The following MAP4 variants were observed in gnomAD, a reference collection of about 807,000 sequenced individuals.
MAP4 encodes microtubule-associated protein 4.
In MAP4, 76 loss-of-function variants were observed where a neutral mutation model predicts 170.2. The ratio of observed to expected loss-of-function variants is 0.45; its 90% CI spans 0.37 to 0.54. The LOEUF (loss-of-function observed/expected upper bound fraction) is 0.54, where lower values mean the gene tolerates loss of function less well. MAP4 is among the 20% of genes least tolerant of loss of function. The pLI, the probability that MAP4 is intolerant of heterozygous loss-of-function variation, is 0.00. For missense variants in MAP4, 2,506 were observed against 2,748.0 expected (o/e 0.91, Z 1.97); for synonymous variants, 909 against 994.5 (o/e 0.91, Z 1.62).
chr3:47,884,033 G>C (rs1386901615), intron 10 of MAP4, among the ~76,000 whole-genome samples: 1 of 152,044 alleles, frequency 6.6e-6, no homozygotes, highest in Non-Finnish European at 1.5e-5. Flanking sequence ...TTTGTCTTTT[G>C]TCAAATTTGG....
chr3:47,941,941 G>C (rs955866710), intron 3 of MAP4, among the ~76,000 whole-genome samples: 1 of 152,126 alleles, frequency 6.6e-6, no homozygotes, highest in Non-Finnish European at 1.5e-5. Context: ...TTGATAAATA[G>C]ATATAACCCT....
chr3:47,922,408 C>T (rs2100043451), intron 4 of MAP4, among the ~76,000 whole-genome samples: 1 of 152,126 alleles, frequency 6.6e-6, no homozygotes, highest in South Asian at 2.1e-4. Flanking sequence ...TTATGTACAT[C>T]AGATAGCCAA....
At chr3:48,061,802 C>T (rs2100135601) in intron 1 of MAP4, among the ~76,000 whole-genome samples, 1 of 150,996 alleles carries the variant, frequency 6.6e-6, no homozygotes, top group African/African-American at 2.4e-5. Context: ...TGGGGGGCAG[C>T]CCCCACCCGG....
intron 1 of MAP4, among the ~76,000 whole-genome samples, chr3:48,068,397 A>G (rs970196025): frequency 1.3e-5 from 2 of 151,958 alleles, no homozygotes; most frequent in Non-Finnish European, 2.9e-5. Flanking sequence ...TAAGGCATTT[A>G]TTTTATTTAT....
rs757460367 is a variant in MAP4, at chr3:47,966,228, C to CTTTTTTTTTT, written c.292+11627_292+11636dup. Among the ~76,000 whole-genome samples the CTTTTTTTTTT allele has an allele frequency of 2.8e-4, 14 of 50,262 alleles. 1 individual carries two copies. Among genetic ancestry groups the CTTTTTTTTTT allele is most frequent in the East Asian group, 1.8e-3 (2 of 1,118 alleles). The allele number at this position is 50,262 out of a possible 152,430, so 33.0% of individuals were successfully genotyped here. A position where few individuals can be genotyped will look rare whatever the true frequency, so the allele number is the denominator to read the frequency against. On this transcript the variant is annotated intron_variant, in intron 3 of 20. Coordinates refer to ENST00000683076, the MANE Select transcript of MAP4 (RefSeq NM_001385682.1). Reference sequence around the variant, plus strand: ...AGCTGGGACTACAGGCCCACACTACCTTTTTTTTTTTTTTTTTTTTTTTTT... The same window carrying CTTTTTTTTTT: ...AGCTGGGACTACAGGCCCACACTACCTTTTTTTTTTTTTTTTTTTTTTTTTTTTTTTTTTT...
intron 3 of MAP4, among the ~76,000 whole-genome samples, chr3:47,948,503 C>T (rs944326389): frequency 1.3e-5 from 2 of 151,722 alleles, no homozygotes; most frequent in Non-Finnish European, 2.9e-5. Context: ...GGATTACAAG[C>T]GTTGAGTCAC....
At chr3:48,030,119 T>G (rs2100115248) in intron 1 of MAP4, among the ~76,000 whole-genome samples, 2 of 150,088 alleles carry the variant, frequency 1.3e-5, no homozygotes, top group South Asian at 4.2e-4. Context: ...CCAGGTGTGG[T>G]GGCTCACGTC....
chr3:48,018,098 C>T (rs1476788330), upstream of MAP4, among the ~76,000 whole-genome samples: 3 of 152,210 alleles, frequency 2.0e-5, no homozygotes, highest in East Asian at 1.9e-4. Context: ...GCACACTTAT[C>T]GCAAAGTTAA....
At chr3:47,974,724 G>C in intron 3 of MAP4, 1 of 980,664 alleles carries the variant, frequency 1.0e-6, no homozygotes, top group Non-Finnish European at 1.2e-6. Flanking sequence ...GAATAAGAAA[G>C]TCCTGTTGAA....
At position 47,936,810 on chromosome 3, in the gene MAP4, GTC is replaced by G. The variant is rs369486287; in HGVS notation, c.293-8462_293-8461del. On this transcript the variant is annotated intron_variant, in intron 3 of 20. Transcript: ENST00000683076. ...AGCCTGGCCAACATGGAGAAACCCCGTCTCAACTAAAAATATAAAATTAGCCA... is the reference window on the plus strand; with the variant it reads ...AGCCTGGCCAACATGGAGAAACCCCGTCAACTAAAAATATAAAATTAGCCA... 2.5e-4 allele frequency among the ~76,000 whole-genome samples: 38 copies of G among 151,720 alleles called. No homozygotes were observed. In the East Asian group the frequency reaches 5.3e-3, roughly 21 times the overall value.
At chr3:48,066,811 ATC>A (rs1438604836) in intron 1 of MAP4, among the ~76,000 whole-genome samples, 1 of 138,250 alleles carries the variant, frequency 7.2e-6, no homozygotes, top group African/African-American at 2.8e-5. Context: ...TAAATGAAAC[ATC>A]TCTAATTCCT....
chr3:48,055,813 G>C (rs1168006176), intron 1 of MAP4, among the ~76,000 whole-genome samples: 3 of 139,196 alleles, frequency 2.2e-5, no homozygotes, highest in East Asian at 2.2e-4. Context: ...GTCTCTGCCC[G>C]GCCGCCCATA....
At chr3:48,025,275 G>A (rs2100112430) in intron 1 of MAP4, among the ~76,000 whole-genome samples, 1 of 150,064 alleles carries the variant, frequency 6.7e-6, no homozygotes, top group Non-Finnish European at 1.5e-5. Context: ...ATTTTATTAG[G>A]TATACATACC....
intron 2 of MAP4, among the ~76,000 whole-genome samples, chr3:47,984,055 T>C (rs1263431859): frequency 1.3e-5 from 2 of 152,110 alleles, no homozygotes; most frequent in African/African-American, 4.8e-5. Flanking sequence ...GCGAATAATA[T>C]GCATAATGGA....
At chr3:48,074,509 C>CTTTTT (rs1167906300) in intron 1 of MAP4, among the ~76,000 whole-genome samples, 1 of 112,554 alleles carries the variant, frequency 8.9e-6, no homozygotes, top group Admixed American at 8.9e-5. Context: ...TATACACACA[C>CTTTTT]TTTTTTTTTT....
rs1330330268 is a variant in MAP4 at position 47,910,442 on chromosome 3, G to A, written c.3979C>T (p.Gln1327Ter). 6.5e-7 allele frequency: 1 copy of A among 1,535,930 alleles called. No individual in the cohort carries two copies. Among genetic ancestry groups the A allele is most frequent in the East Asian group, 2.4e-5 (1 of 40,934 alleles). Residue 1327 changes from glutamine (Q) to a stop codon, truncating the protein, a stop_gained, in exon 9 of 21, where the codon CAA (glutamine) becomes TAA (stop). Transcript: ENST00000683076. LOFTEE classifies it high-confidence loss of function. The part of the protein sequence containing the change: ...PPAKVTDVSC[Q>*]EQIQGAGFVP... Reference sequence around the variant, plus strand: ...AATCCTGCCCCCTGGATTTGCTCTTGGCAGCTCACATCTGTCACCTTGGCA... The same window carrying A: ...AATCCTGCCCCCTGGATTTGCTCTTAGCAGCTCACATCTGTCACCTTGGCA...
chr3:47,949,971 A>G (rs2100062645), intron 3 of MAP4, among the ~76,000 whole-genome samples: 1 of 152,178 alleles, frequency 6.6e-6, no homozygotes, highest in Non-Finnish European at 1.5e-5. Flanking sequence ...GCAGCTTCCT[A>G]GACAGTTTTG....
chr3:47,929,945 T>A (rs949187300), intron 3 of MAP4, among the ~76,000 whole-genome samples: 5 of 151,192 alleles, frequency 3.3e-5, no homozygotes, highest in Non-Finnish European at 7.4e-5. Context: ...CCTGGCCAAC[T>A]GGGTGACACC....
chr3:48,072,197 A>ATACTAC (rs550921639), intron 1 of MAP4, among the ~76,000 whole-genome samples: 5 of 151,392 alleles, frequency 3.3e-5, no homozygotes, highest in Non-Finnish European at 4.4e-5. Flanking sequence ...CATCTCAAAA[A>ATACTAC]TACTACTACT....
Sources: gnomAD v4.1 joint callset for allele counts (sites outside exome capture counted in the v4.1 genomes callset) on GRCh38, gnomAD v4.1.1 for gene constraint, MANE v1.5 for transcripts, NCBI Gene and HGNC (gene_info 2026-07-23, HGNC 2026-07-21) for gene names.